Variants in AP2A1 observed in about 807,000 individuals in gnomAD.
AP2A1 encodes the protein AP-2 complex subunit alpha-1.
AP2A1 carries 21 observed loss-of-function variants against 107.3 expected under a neutral mutation model. The ratio of observed to expected loss-of-function variants is 0.20; its 90% CI spans 0.14 to 0.28. AP2A1 has a LOEUF of 0.28. AP2A1 is among the 10% of genes least tolerant of loss of function. The probability of loss-of-function intolerance (pLI) is 1.00; values close to 1 mark genes in which losing one functional copy is unlikely to be tolerated. For missense variants in AP2A1, 873 were observed against 1,307.7 expected (o/e 0.67, Z 5.13); for synonymous variants, 602 against 564.8 (o/e 1.07, Z -0.93).
intron 1 of AP2A1, among the ~76,000 whole-genome samples, chr19:49,777,771 GA>G (rs1326825131): frequency 1.3e-5 from 2 of 151,608 alleles, no homozygotes; most frequent in South Asian, 2.1e-4. Context: ...ACAAAAAATA[GA>G]AAAAAAATTA....
chr19:49,788,448 C>T lies in AP2A1; in HGVS notation c.474-3487C>T, dbSNP rs547742808. The stretch of plus-strand genomic sequence containing the variant: ...TGTGGTGGGGAGCGAGCGAGCTGTG[C>T]GGGAACACTTAGAGCAGAGTTTGGC... On this transcript the variant is annotated intron_variant, in intron 4 of 22. Coordinates refer to ENST00000354293, the MANE Select transcript of AP2A1 (RefSeq NM_130787.3). The surrounding 1 kb of genome is among the most constrained non-coding windows in gnomAD (Gnocchi z 4.5). Among the ~76,000 whole-genome samples the T allele has an allele frequency of 1.2e-4, 18 of 152,240 alleles. No individual in the cohort carries two copies. The East Asian group carries it at 2.5e-3, about 21-fold the overall frequency.
Position 49,801,961 on chromosome 19 carries a change from G to T in AP2A1, c.1954-20G>T, listed in dbSNP as rs1424254375. On this transcript the variant is annotated intron_variant, in intron 14 of 22. Coordinates refer to ENST00000354293, the MANE Select transcript of AP2A1 (RefSeq NM_130787.3). ...CTGCCGGGCGCCGCCTGTCCTCACCGTGACCTGCGCTTCCTACAGTCGACG... is the reference window on the plus strand; with the variant it reads ...CTGCCGGGCGCCGCCTGTCCTCACCTTGACCTGCGCTTCCTACAGTCGACG... The T allele has an allele frequency of 6.8e-7, 1 of 1,475,890 alleles. No individual in the cohort carries two copies. Among genetic ancestry groups the T allele is most frequent in the East Asian group, 2.4e-5 (1 of 41,000 alleles). 91.4% of individuals were successfully genotyped at this position (1,475,890 alleles called of 1,614,324 possible). A position where few individuals can be genotyped will look rare whatever the true frequency, so the allele number is the denominator to read the frequency against.
intron 1 of AP2A1, among the ~76,000 whole-genome samples, chr19:49,774,047 G>A (rs1411022690): frequency 6.6e-6 from 1 of 152,108 alleles, no homozygotes; most frequent in Non-Finnish European, 1.5e-5. Context: ...GGAGTGCTGG[G>A]GTCTGACTCA....
chr19:49,772,589 G>A (rs1378024735), intron 1 of AP2A1, among the ~76,000 whole-genome samples: 6 of 151,544 alleles, frequency 4.0e-5, no homozygotes, highest in East Asian at 1.9e-4. Context: ...TCTGCCTCCC[G>A]GGTTCATGCC....
chr19:49,805,460 T>A lies in AP2A1; in HGVS notation c.2352T>A (p.Ala784=). Reference sequence around the variant, plus strand: ...TTGACTCCTGGCGGGCACAGCTGGCTGTGCAGACCAAGCGCGTGGCGGCGC... The same window carrying A: ...TTGACTCCTGGCGGGCACAGCTGGCAGTGCAGACCAAGCGCGTGGCGGCGC... ...VHPGDLQTQL[A]VQTKRVAAQV... The change falls in exon 19 of 23, where the codon GCT becomes GCA. Residue 784 remains alanine, a synonymous_variant. Transcript: ENST00000354293. 6.5e-7 allele frequency: 1 copy of A among 1,541,636 alleles called. No individual in the cohort carries two copies. Among genetic ancestry groups the A allele is most frequent in the Non-Finnish European group, 8.8e-7 (1 of 1,140,626 alleles).
chr19:49,799,354 C>T lies in AP2A1; in HGVS notation c.993C>T (p.Cys331=). Residue 331 remains cysteine (C), a synonymous_variant, in exon 9 of 23, where the codon TGC becomes TGT. Transcript: ENST00000354293. ...DSEPNLLVRA[C]NQLGQFLQHR... Reference sequence around the variant, plus strand: ...AGCCCAACCTCCTGGTTCGGGCCTGCAACCAGCTGGGCCAGTTCCTGCAGC... The same window carrying T: ...AGCCCAACCTCCTGGTTCGGGCCTGTAACCAGCTGGGCCAGTTCCTGCAGC... 1.9e-6 allele frequency: 3 copies of T among 1,611,596 alleles called. No individual in the cohort carries two copies. Among genetic ancestry groups the T allele is most frequent in the Non-Finnish European group, 2.5e-6 (3 of 1,179,480 alleles).
At chr19:49,806,035 C>T in intron 21 of AP2A1, 84 bp from the exon 22 acceptor site, 1 of 1,608,546 alleles carries the variant, frequency 6.2e-7, no homozygotes, top group Non-Finnish European at 8.5e-7. Context: ...ATTCCCATCC[C>T]CAAGGGTTTT....
In AP2A1 at chr19:49,787,343, T is replaced by G. The variant is rs538240168; in HGVS notation, c.474-4592T>G. Among the ~76,000 whole-genome samples, 371 of 114,120 alleles carry G rather than the reference T, an allele frequency of 3.3e-3. 10 individuals are homozygous for G. Among genetic ancestry groups the G allele is most frequent in the Admixed American group, 7.3e-3 (79 of 10,816 alleles). 74.9% of individuals were successfully genotyped at this position (114,120 alleles called of 152,430 possible). A position where few individuals can be genotyped will look rare whatever the true frequency, so the allele number is the denominator to read the frequency against. ...CATCTAGGCTTTTTTTGTTTGTTTT[T>G]TTTGTTTTTTGTTTTTTTTTTTTTG... On this transcript the variant is annotated intron_variant, in intron 4 of 22. Transcript: ENST00000354293.
chr19:49,771,214 T>G (rs1187936531), intron 1 of AP2A1, among the ~76,000 whole-genome samples: 1 of 148,422 alleles, frequency 6.7e-6, no homozygotes, highest in Non-Finnish European at 1.5e-5. Flanking sequence ...ATGCTTGTAG[T>G]CCCAGCTACT....
intron 6 of AP2A1, among the ~76,000 whole-genome samples, chr19:49,795,368 T>C (rs558064019): frequency 6.6e-6 from 1 of 152,232 alleles, no homozygotes; most frequent in East Asian, 1.9e-4. Context: ...CATAAAACCA[T>C]TGCATTGGTC....
rs2159984 is a variant in AP2A1, at chr19:49,802,431, G to T, written c.2114+290G>T. On this transcript the variant is annotated intron_variant, in intron 15 of 22. Transcript: ENST00000354293. Reference sequence around the variant, plus strand: ...TTCTCCTTCTCTCCTTCCCTCTTCCGTCCCTCCCTCTCTGTCTCTCTTCTG... The same window carrying T: ...TTCTCCTTCTCTCCTTCCCTCTTCCTTCCCTCCCTCTCTGTCTCTCTTCTG... 3.5e-6 allele frequency: 4 copies of T among 1,153,802 alleles called. No individual in the cohort carries two copies. The African/African-American group carries it at 6.1e-5, about 18-fold the overall frequency. 71.5% of individuals were successfully genotyped at this position (1,153,802 alleles called of 1,614,324 possible).
chr19:49,800,885 G>C, intron 11 of AP2A1, 76 bp from the exon 12 acceptor site: 3 of 1,210,668 alleles, frequency 2.5e-6, no homozygotes, highest in Non-Finnish European at 3.5e-6. Flanking sequence ...CCACCAGTCA[G>C]TAGGTGGCTG....
Position 49,786,892 on chromosome 19 carries a change from G to T in AP2A1, c.473+4168G>T, listed in dbSNP as rs183627487. Reference sequence around the variant, plus strand: ...ATGCCGAGGGGTGGTGCTCTGCCAGGGTCAAGGGGCCAGGGTGGGGCTGTC... The same window carrying T: ...ATGCCGAGGGGTGGTGCTCTGCCAGTGTCAAGGGGCCAGGGTGGGGCTGTC... On this transcript the variant is annotated intron_variant, in intron 4 of 22. Coordinates refer to ENST00000354293, the MANE Select transcript of AP2A1 (RefSeq NM_130787.3). 1.1e-3 allele frequency among the ~76,000 whole-genome samples: 166 copies of T among 152,312 alleles called. 2 individuals carry two copies. Among genetic ancestry groups the T allele is most frequent in the Middle Eastern group, 0.01 (3 of 294 alleles).
Position 49,807,026 on chromosome 19 carries a change from C to T in AP2A1, c.*268C>T. 3.7e-6 allele frequency: 5 copies of T among 1,348,660 alleles called. No homozygotes were observed. The Admixed American group carries it at 6.2e-5, about 17-fold the overall frequency. The allele number at this position is 1,348,660 out of a possible 1,614,324, so 83.5% of individuals were successfully genotyped here. ...CAGGGAAGTGGATGTCTCCTCCCCT[C>T]CCACCCCACCCTGTTGTAGCCCCTC... On this transcript the variant is annotated 3_prime_UTR_variant, in exon 23 of 23. Transcript: ENST00000354293.
At chr19:49,794,774 T>G (rs1568583550) in intron 6 of AP2A1, among the ~76,000 whole-genome samples, 1 of 152,008 alleles carries the variant, frequency 6.6e-6, no homozygotes, top group Non-Finnish European at 1.5e-5. Flanking sequence ...GCAATTCTCC[T>G]GCCTCAGCCT....
chr19:49,769,658 G>GT (rs2084537735), intron 1 of AP2A1, among the ~76,000 whole-genome samples: 1 of 152,152 alleles, frequency 6.6e-6, no homozygotes, highest in Non-Finnish European at 1.5e-5. Context: ...TCTGGGCCAT[G>GT]GTGAGCACTT....
Position 49,799,973 on chromosome 19 carries a change from G to A in AP2A1, c.1278G>A (p.Leu426=), listed in dbSNP as rs2073257987. The A allele has an allele frequency of 1.2e-6, 2 of 1,613,320 alleles. No homozygotes were observed. The highest frequency in any genetic ancestry group is 2.7e-5 in the African/African-American group (2 of 74,944). ...CTCACACGCCCCGGCGGCAGGTCCT[G>A]AAGGTGGCCATCCTGGCCGAGAAGT... ...ADYAIREEIV[L]KVAILAEKYA... The change falls in exon 11 of 23, where the codon CTG becomes CTA. Residue 426 remains leucine, a synonymous_variant. Coordinates refer to ENST00000354293, the MANE Select transcript of AP2A1 (RefSeq NM_130787.3).
At chr19:49,791,342 A>C (rs1178049666) in intron 4 of AP2A1, among the ~76,000 whole-genome samples, 1 of 151,914 alleles carries the variant, frequency 6.6e-6, no homozygotes, top group Admixed American at 6.6e-5. Context: ...CAATCCTCCC[A>C]CCTCACCCTC....
Position 49,803,024 on chromosome 19 carries a change from G to T in AP2A1, c.2171+19G>T. On this transcript the variant is annotated intron_variant, in intron 16 of 22. Transcript: ENST00000354293. The stretch of plus-strand genomic sequence containing the variant: ...TGAATAAGTGAGTCCTGGGAGTGGT[G>T]GGGGAGGGGAACGGGACAGGTGCGG... 6.2e-7 allele frequency: 1 copy of T among 1,613,730 alleles called. No homozygotes were observed. Among genetic ancestry groups the T allele is most frequent in the Non-Finnish European group, 8.5e-7 (1 of 1,179,798 alleles).
Sources: gnomAD v4.1 joint callset for allele counts (sites outside exome capture counted in the v4.1 genomes callset) on GRCh38, gnomAD v4.1.1 for gene constraint, Gnocchi (gnomAD v3.1) non-coding constraint, MANE v1.5 for transcripts, NCBI Gene and HGNC (gene_info 2026-07-23, HGNC 2026-07-21) for gene names.